DLGAP1: variants seen among roughly 807,000 people sequenced by gnomAD.
DLGAP1 encodes DLG associated protein 1, also known as disks large-associated protein 1.
Under a neutral mutation model 90.8 loss-of-function variants are expected in DLGAP1, and 11 were observed. The observed-to-expected ratio is 0.12, with a 90% CI of 0.08 to 0.20. The LOEUF (loss-of-function observed/expected upper bound fraction) is 0.20. Ranked by LOEUF, DLGAP1 falls within the 10% of genes least tolerant of loss-of-function variation. The pLI, the probability that DLGAP1 is intolerant of heterozygous loss-of-function variation, is 1.00. For synonymous variants in DLGAP1, 558 were observed against 540.7 expected (o/e 1.03, Z -0.44); for missense variants, 1,050 against 1,333.8 (o/e 0.79, Z 3.31).
At chr18:4,379,337 C>A (rs2082073570) in intron 1 of DLGAP1, among the ~76,000 whole-genome samples, 1 of 152,102 alleles carries the variant, frequency 6.6e-6, no homozygotes, top group Admixed American at 6.6e-5. Flanking sequence ...AGTGTGTCTT[C>A]ATTTTCTTTG....
rs1224759431 is a variant in DLGAP1, at chr18:3,956,347, AT to A, written c.-73+48768del. ...TTCACCCTGAAAGAATCCCTTTAAC[AT>A]TTTTTTTTCCTTTTTTTTTGAGACG... On this transcript the variant is annotated intron_variant, in intron 3 of 12. Coordinates refer to ENST00000315677, the MANE Select transcript of DLGAP1 (RefSeq NM_004746.4). Among the ~76,000 whole-genome samples, 7 of 151,340 alleles carry A rather than the reference AT, an allele frequency of 4.6e-5. No homozygotes were observed. The East Asian group carries it at 9.7e-4, about 21-fold the overall frequency.
At chr18:3,849,713 T>A (rs539678504) in intron 4 of DLGAP1, among the ~76,000 whole-genome samples, 1 of 152,284 alleles carries the variant, frequency 6.6e-6, no homozygotes, top group South Asian at 2.1e-4. Context: ...TTTGAGAATG[T>A]TTATCTCACC....
intron 4 of DLGAP1, among the ~76,000 whole-genome samples, chr18:3,856,619 T>C (rs2069657716): frequency 6.6e-6 from 1 of 152,062 alleles, no homozygotes; most frequent in Non-Finnish European, 1.5e-5. Context: ...CCCAGCACTT[T>C]GGGAGGCCGA....
chr18:4,301,155 A>G (rs964674205), intron 1 of DLGAP1, among the ~76,000 whole-genome samples: 5 of 152,088 alleles, frequency 3.3e-5, no homozygotes, highest in African/African-American at 1.2e-4. Context: ...TCACTTCCTT[A>G]GTGATTTTGA....
chr18:4,288,840 C>T (rs770054071), intron 1 of DLGAP1, among the ~76,000 whole-genome samples: 8 of 151,942 alleles, frequency 5.3e-5, no homozygotes, highest in Non-Finnish European at 8.8e-5. Context: ...GGATTTGATT[C>T]GCATAACAGG....
chr18:4,299,121 T>C (rs1006408049), intron 1 of DLGAP1, among the ~76,000 whole-genome samples: 2 of 147,258 alleles, frequency 1.4e-5, no homozygotes, highest in Non-Finnish European at 3.0e-5. Flanking sequence ...TAGAAGCAAA[T>C]TCTTGGGCCC....
intron 1 of DLGAP1, among the ~76,000 whole-genome samples, chr18:4,384,591 T>C (rs142718415): frequency 1.2e-3 from 190 of 152,282 alleles, no homozygotes; most frequent in African/African-American, 4.2e-3. Context: ...GGGCTAACTC[T>C]AGATCAAATA....
At chr18:3,667,293 G>A (rs2059919208) in intron 7 of DLGAP1, among the ~76,000 whole-genome samples, 1 of 152,024 alleles carries the variant, frequency 6.6e-6, no homozygotes, top group Non-Finnish European at 1.5e-5. Context: ...TGGCCAGGCT[G>A]GTCTCAAACT....
intron 10 of DLGAP1, among the ~76,000 whole-genome samples, chr18:3,523,629 C>CTT (rs1481524126): frequency 1.3e-5 from 2 of 151,800 alleles, no homozygotes; most frequent in Non-Finnish European, 2.9e-5. Context: ...GGGCGGATCA[C>CTT]GAGGTCAGGA....
intron 1 of DLGAP1, among the ~76,000 whole-genome samples, chr18:4,415,222 T>A (rs181320173): frequency 2.3e-4 from 35 of 152,270 alleles, no homozygotes; most frequent in African/African-American, 6.3e-4. Flanking sequence ...TTTTGATGGA[T>A]AACACACAAA....
chr18:3,546,038 G>T (rs913480836), intron 9 of DLGAP1, among the ~76,000 whole-genome samples: 2 of 152,114 alleles, frequency 1.3e-5, no homozygotes, highest in African/African-American at 4.8e-5. Flanking sequence ...ATACTTTCTC[G>T]ATAATAGATT....
At chr18:3,645,058 C>T (rs1340512919) in intron 7 of DLGAP1, among the ~76,000 whole-genome samples, 2 of 152,108 alleles carry the variant, frequency 1.3e-5, no homozygotes, top group Non-Finnish European at 2.9e-5. Flanking sequence ...GGAATGGGAA[C>T]TGTGTATTGA....
intron 2 of DLGAP1, among the ~76,000 whole-genome samples, chr18:4,090,782 C>T (rs1026372683): frequency 6.6e-6 from 1 of 152,184 alleles, no homozygotes; most frequent in Non-Finnish European, 1.5e-5. Flanking sequence ...ATCATAAAGA[C>T]ACATGCACAT....
At chr18:3,853,019 T>G (rs977259608) in intron 4 of DLGAP1, among the ~76,000 whole-genome samples, 3 of 152,058 alleles carry the variant, frequency 2.0e-5, no homozygotes, top group South Asian at 2.1e-4. Flanking sequence ...GCATTTATTT[T>G]TTGTTGTTGT....
chr18:4,239,809 G>A (rs1439359244), intron 1 of DLGAP1, among the ~76,000 whole-genome samples: 1 of 152,170 alleles, frequency 6.6e-6, no homozygotes, highest in African/African-American at 2.4e-5. Flanking sequence ...TTTACAAAGA[G>A]AGATTACTAC....
chr18:3,955,996 G>A (rs1353066922), intron 3 of DLGAP1, among the ~76,000 whole-genome samples: 1 of 152,278 alleles, frequency 6.6e-6, no homozygotes, highest in East Asian at 1.9e-4. Context: ...TACAACTGAA[G>A]TTTCTGAAAG....
chr18:3,834,720 G>A (rs2068270889), intron 4 of DLGAP1, among the ~76,000 whole-genome samples: 1 of 152,178 alleles, frequency 6.6e-6, no homozygotes, highest in Non-Finnish European at 1.5e-5. Flanking sequence ...ACTGGAACAC[G>A]GTGGGGGAGG....
At chr18:4,391,315 G>A (rs2082335212) in intron 1 of DLGAP1, among the ~76,000 whole-genome samples, 1 of 152,110 alleles carries the variant, frequency 6.6e-6, no homozygotes, top group South Asian at 2.1e-4. Context: ...CGGAAGATGT[G>A]CTCAGAAAGT....
intron 3 of DLGAP1, among the ~76,000 whole-genome samples, chr18:4,004,671 G>A (rs1379134400): frequency 3.9e-5 from 6 of 152,212 alleles, no homozygotes; most frequent in Admixed American, 3.3e-4. Context: ...ACCAGTGTGT[G>A]AGAGTTTCAG....
Sources: allele counts gnomAD v4.1 joint callset (sites outside exome capture counted in the v4.1 genomes callset), GRCh38; gene constraint gnomAD v4.1.1; transcripts MANE v1.5; gene names NCBI Gene and HGNC (gene_info 2026-07-23, HGNC 2026-07-21).